IL23R: variants seen among roughly 807,000 people sequenced by gnomAD.
The protein encoded by IL23R is interleukin-23 receptor.
In IL23R, 34 loss-of-function variants were observed where a neutral mutation model predicts 56.9. The observed-to-expected ratio is 0.60, with a 90% CI of 0.45 to 0.80. IL23R has a LOEUF of 0.80. Among genes scored for constraint, IL23R ranks in the 30% least tolerant of loss-of-function variants. The pLI is 0.00. For missense variants in IL23R, 635 were observed against 730.0 expected (o/e 0.87, Z 1.50); for synonymous variants, 230 against 249.2 (o/e 0.92, Z 0.73).
chr1:67,238,823 C>G (rs1256590417), intron 8 of IL23R, among the ~76,000 whole-genome samples: 1 of 152,138 alleles, frequency 6.6e-6, no homozygotes, highest in African/African-American at 2.4e-5. Context: ...AGAAATAGCT[C>G]TTTAGCCCTG....
intron 10 of IL23R, 69 bp from the exon 11 acceptor site, chr1:67,258,409 C>T: frequency 8.2e-7 from 1 of 1,213,312 alleles, no homozygotes; most frequent in South Asian, 1.5e-5. Context: ...AATTCCTATC[C>T]TCATTCAATT....
At chr1:67,222,894 C>G (rs12406837) in intron 7 of IL23R, among the ~76,000 whole-genome samples, 27,631 of 152,038 alleles carry the variant, frequency 0.18, 2,938 homozygotes, top group Admixed American at 0.33. Flanking sequence ...TCTTTAATTT[C>G]AGGGAAGCAG....
intron 3 of IL23R, among the ~76,000 whole-genome samples, chr1:67,171,380 G>A (rs565931850): frequency 3.3e-5 from 5 of 152,282 alleles, no homozygotes; most frequent in African/African-American, 1.2e-4. Context: ...ACTGATATGT[G>A]CTCTGAGTGT....
chr1:67,163,468 CAAAAAAAAAAAAAA>C (rs57495148), upstream of IL23R, among the ~76,000 whole-genome samples: 11 of 49,586 alleles, frequency 2.2e-4, no homozygotes, highest in African/African-American at 7.8e-4. Flanking sequence ...GACCCTGTCT[CAAAAAAAAAAAAAA>C]AAAAAAAAAA....
chr1:67,151,773 T>C (rs1179928853), intron 1 of IL23R, among the ~76,000 whole-genome samples: 1 of 152,206 alleles, frequency 6.6e-6, no homozygotes, highest in Non-Finnish European at 1.5e-5. Context: ...ATATGTGGTG[T>C]TGTTTCTGAG....
intron 4 of IL23R, among the ~76,000 whole-genome samples, chr1:67,185,754 G>A (rs943081522): frequency 6.6e-6 from 1 of 152,214 alleles, no homozygotes; most frequent in Non-Finnish European, 1.5e-5. Flanking sequence ...CCATTGGCAA[G>A]AGGCGTACAC....
chr1:67,178,994 T>C (rs1235738242), intron 3 of IL23R, among the ~76,000 whole-genome samples: 1 of 152,230 alleles, frequency 6.6e-6, no homozygotes, highest in Non-Finnish European at 1.5e-5. Context: ...ATAAGCTTTT[T>C]GATGTGCTGT....
intron 4 of IL23R, among the ~76,000 whole-genome samples, chr1:67,198,968 T>C (rs1350294183): frequency 3.9e-5 from 6 of 152,080 alleles, no homozygotes; most frequent in South Asian, 2.1e-4. Context: ...TCCACCCCCA[T>C]TGGCTTCCAC....
At chr1:67,202,296 G>T (rs1201270120) in intron 5 of IL23R, among the ~76,000 whole-genome samples, 1 of 152,200 alleles carries the variant, frequency 6.6e-6, no homozygotes. Flanking sequence ...CTGCCTCCTG[G>T]CTTCAAGCAA....
At chr1:67,154,889 G>T in intron 1 of IL23R, among the ~76,000 whole-genome samples, 1 of 152,130 alleles carries the variant, frequency 6.6e-6, no homozygotes, top group East Asian at 1.9e-4. Context: ...AGTGTCATTG[G>T]TCTTTATATT....
At chr1:67,141,397 G>A (rs932310647) in intron 1 of IL23R, among the ~76,000 whole-genome samples, 1 of 151,706 alleles carries the variant, frequency 6.6e-6, no homozygotes, top group African/African-American at 2.4e-5. Flanking sequence ...CTTCTTGTGA[G>A]ACTGGAAAAG....
At chr1:67,204,643 AC>A (rs2102630962) in intron 5 of IL23R, among the ~76,000 whole-genome samples, 1 of 152,300 alleles carries the variant, frequency 6.6e-6, no homozygotes, top group South Asian at 2.1e-4. Flanking sequence ...GCCAAGCCGA[AC>A]TCAGAGGTGG....
At chr1:67,258,350 T>C in intron 10 of IL23R, 128 bp from the exon 11 acceptor site, 1 of 638,070 alleles carries the variant, frequency 1.6e-6, no homozygotes. Flanking sequence ...TATGGGAAGA[T>C]AAACAATATG....
At chr1:67,246,828 C>T (rs913802984) in intron 9 of IL23R, among the ~76,000 whole-genome samples, 7 of 152,046 alleles carry the variant, frequency 4.6e-5, no homozygotes, top group African/African-American at 1.7e-4. Flanking sequence ...TCTATAGGTC[C>T]CACTTGGTCC....
intron 7 of IL23R, among the ~76,000 whole-genome samples, chr1:67,233,195 C>CA (rs34125353): frequency 0.4 from 21,464 of 53,448 alleles, 2,485 homozygotes; most frequent in Non-Finnish European, 0.44. Flanking sequence ...CTAAAAATTC[C>CA]AAAAAAAAAA....
chr1:67,179,655 T>G lies in IL23R; in HGVS notation c.368-3181T>G, dbSNP rs10873730. On this transcript the variant is annotated intron_variant, in intron 3 of 10. Coordinates refer to ENST00000347310, the MANE Select transcript of IL23R (RefSeq NM_144701.3). Reference sequence around the variant, plus strand: ...CTGATCTTAGTTATTTCTTGCCTTCTGCTAGCTTTTGAATGTGTTTGATCT... The same window carrying G: ...CTGATCTTAGTTATTTCTTGCCTTCGGCTAGCTTTTGAATGTGTTTGATCT... 3.1e-3 allele frequency among the ~76,000 whole-genome samples: 475 copies of G among 152,338 alleles called. 4 individuals carry two copies. The highest frequency in any genetic ancestry group is 2.6e-3 in the Non-Finnish European group (176 of 68,032).
At chr1:67,152,659 G>T (rs1646738850) in intron 1 of IL23R, among the ~76,000 whole-genome samples, 1 of 152,090 alleles carries the variant, frequency 6.6e-6, no homozygotes, top group Non-Finnish European at 1.5e-5. Flanking sequence ...TAACATGAAG[G>T]GATGTTGAAT....
intron 3 of IL23R, among the ~76,000 whole-genome samples, chr1:67,181,271 A>C (rs1161228560): frequency 6.6e-6 from 1 of 152,168 alleles, no homozygotes; most frequent in African/African-American, 2.4e-5. Flanking sequence ...CAGGTACACC[A>C]ATCAGACATA....
At chr1:67,195,036 ATCT>A (rs1170508578) in intron 4 of IL23R, among the ~76,000 whole-genome samples, 1 of 152,190 alleles carries the variant, frequency 6.6e-6, no homozygotes, top group Non-Finnish European at 1.5e-5. Context: ...TATCATAAAT[ATCT>A]TCTTTTTTTA....
Sources: gnomAD v4.1 joint callset for allele counts (sites outside exome capture counted in the v4.1 genomes callset) on GRCh38, gnomAD v4.1.1 for gene constraint, MANE v1.5 for transcripts, NCBI Gene and HGNC (gene_info 2026-07-23, HGNC 2026-07-21) for gene names.